The following CEP63 variants were observed in gnomAD, a reference collection of about 807,000 sequenced individuals.
CEP63 encodes centrosomal protein 63.
Under a neutral mutation model 89.1 loss-of-function variants are expected in CEP63, and 84 were observed. The observed-to-expected ratio is 0.94, with a 90% CI of 0.79 to 1.13. The LOEUF (loss-of-function observed/expected upper bound fraction) is 1.13. CEP63 is among the 50% of genes most tolerant of loss of function. The pLI, the probability that CEP63 is intolerant of heterozygous loss-of-function variation, is 0.00. For synonymous variants in CEP63, 267 were observed against 272.5 expected (o/e 0.98, Z 0.20); for missense variants, 838 against 813.3 (o/e 1.03, Z -0.37).
intron 14 of CEP63, among the ~76,000 whole-genome samples, chr3:134,559,984 A>T (rs1354902845): frequency 6.6e-6 from 1 of 152,212 alleles, no homozygotes; most frequent in Non-Finnish European, 1.5e-5. Context: ...AGCACTTGCC[A>T]TGGGCCCTTC....
the CEP63 span, among the ~76,000 whole-genome samples, chr3:134,656,017 G>A: frequency 6.6e-6 from 1 of 152,222 alleles, no homozygotes. Context: ...ATTCTGGGGT[G>A]AGGATGGTTA....
At chr3:134,739,352 T>C in the CEP63 span, among the ~76,000 whole-genome samples, 1 of 152,212 alleles carries the variant, frequency 6.6e-6, no homozygotes, top group African/African-American at 2.4e-5. Flanking sequence ...ATAAATTAGT[T>C]CAGTCACTTT....
intron 5 of CEP63, among the ~76,000 whole-genome samples, chr3:134,534,469 T>A (rs1421373931): frequency 6.6e-6 from 1 of 152,208 alleles, no homozygotes; most frequent in African/African-American, 2.4e-5. Flanking sequence ...AACCATCCCT[T>A]AAAATGATTA....
chr3:134,714,064 AG>A, the CEP63 span, among the ~76,000 whole-genome samples: 4 of 152,196 alleles, frequency 2.6e-5, no homozygotes, highest in Non-Finnish European at 5.9e-5. Flanking sequence ...CCTCTATGGC[AG>A]CGGGGAGAGG....
chr3:134,651,789 G>A, the CEP63 span, among the ~76,000 whole-genome samples: 1 of 152,200 alleles, frequency 6.6e-6, no homozygotes, highest in African/African-American at 2.4e-5. Flanking sequence ...GGCACAGGGA[G>A]CTGGACCTGA....
chr3:134,495,175 TAAG>T (rs747833552), intron 1 of CEP63, 118 bp from the exon 2 acceptor site: 17 of 749,626 alleles, frequency 2.3e-5, no homozygotes, highest in Non-Finnish European at 3.6e-5. Context: ...ACAGTCATCT[TAAG>T]AAGTGCTGCA....
upstream of CEP63, chr3:134,485,954 G>C (rs74375630): frequency 1.0e-6 from 1 of 981,946 alleles, no homozygotes; most frequent in East Asian, 1.2e-4. Context: ...ACCCTTACCG[G>C]CACCCGGCCA....
chr3:134,661,755 G>A, the CEP63 span, among the ~76,000 whole-genome samples: 1 of 151,992 alleles, frequency 6.6e-6, no homozygotes, highest in African/African-American at 2.4e-5. Context: ...GGAAGGAAGA[G>A]GGGAAGGAAG....
chr3:134,529,733 C>T (rs1949474421), intron 3 of CEP63, among the ~76,000 whole-genome samples: 1 of 152,216 alleles, frequency 6.6e-6, no homozygotes, highest in East Asian at 1.9e-4. Flanking sequence ...TCTTAAACTC[C>T]TGGGCTCAAG....
the CEP63 span, among the ~76,000 whole-genome samples, chr3:134,604,668 C>T: frequency 2.0e-5 from 3 of 152,316 alleles, no homozygotes; most frequent in South Asian, 4.1e-4. Context: ...CATCAGCCAG[C>T]GGCAGCACAC....
chr3:134,599,360 C>G, the CEP63 span, among the ~76,000 whole-genome samples: 3 of 152,160 alleles, frequency 2.0e-5, no homozygotes, highest in African/African-American at 7.2e-5. Flanking sequence ...CATGACGAAG[C>G]CAGATTTGGG....
the CEP63 span, among the ~76,000 whole-genome samples, chr3:134,685,873 T>C: frequency 6.6e-6 from 1 of 152,226 alleles, no homozygotes; most frequent in Non-Finnish European, 1.5e-5. Flanking sequence ...AGTGCCCTCC[T>C]GTATAAAGTG....
the CEP63 span, among the ~76,000 whole-genome samples, chr3:134,670,327 G>A: frequency 6.6e-6 from 1 of 152,036 alleles, no homozygotes; most frequent in Non-Finnish European, 1.5e-5. Flanking sequence ...TTTAAATTTT[G>A]TTAAAAAAAG....
the CEP63 span, among the ~76,000 whole-genome samples, chr3:134,701,431 T>TACACATATATAC: frequency 7.2e-6 from 1 of 139,324 alleles, no homozygotes; most frequent in Non-Finnish European, 1.5e-5. Context: ...TACGTATATA[T>TACACATATATAC]GTGTATATAT....
chr3:134,704,853 G>A, the CEP63 span, among the ~76,000 whole-genome samples: 1 of 152,334 alleles, frequency 6.6e-6, no homozygotes, highest in South Asian at 2.1e-4. Context: ...TGAAGAGGTG[G>A]GGCGTGGCAG....
the CEP63 span, among the ~76,000 whole-genome samples, chr3:134,727,376 A>G: frequency 6.6e-6 from 1 of 152,214 alleles, no homozygotes; most frequent in Non-Finnish European, 1.5e-5. Context: ...CCAGCCTGGG[A>G]GACTAGTTGT....
At chr3:134,504,592 T>G (rs950639548) in intron 2 of CEP63, among the ~76,000 whole-genome samples, 1 of 152,248 alleles carries the variant, frequency 6.6e-6, no homozygotes, top group African/African-American at 2.4e-5. Flanking sequence ...AAGACCTTTT[T>G]AGGTTGAATC....
At chr3:134,586,026 TTTTTTTGC>T (rs144196706) in intron 10 of CEP63, among the ~76,000 whole-genome samples, 50,273 of 151,574 alleles carry the variant, frequency 0.33, 8,605 homozygotes, top group African/African-American at 0.41. Context: ...AACTCCTGCT[TTTTTTTGC>T]TTTCTATTTG....
At chr3:134,631,348 A>G in the CEP63 span, among the ~76,000 whole-genome samples, 3 of 152,212 alleles carry the variant, frequency 2.0e-5, no homozygotes. Context: ...AAGCCAAGAG[A>G]ATTTGGTACC....
Sources: allele counts gnomAD v4.1 joint callset (sites outside exome capture counted in the v4.1 genomes callset), GRCh38; gene constraint gnomAD v4.1.1; transcripts MANE v1.5; gene names NCBI Gene and HGNC (gene_info 2026-07-23, HGNC 2026-07-21).